Variants in SCTR observed in about 807,000 individuals in gnomAD.
SCTR encodes pancreatic secretin receptor.
A neutral mutation model predicts 60.8 loss-of-function variants in SCTR; 56 were observed. The ratio of observed to expected loss-of-function variants is 0.92; its 90% CI spans 0.74 to 1.15. The LOEUF (loss-of-function observed/expected upper bound fraction) is 1.15, where lower values mean the gene tolerates loss of function less well. Among genes scored for constraint, SCTR ranks in the 50% most tolerant of loss-of-function variants. SCTR has a pLI of 0.00. For missense variants in SCTR, 562 were observed against 550.4 expected, an observed-to-expected ratio of 1.02 and a Z score of -0.21; for synonymous variants, 202 against 217.0, an observed-to-expected ratio of 0.93 and a Z score of 0.61.
intron 9 of SCTR, among the ~76,000 whole-genome samples, chr2:119,449,285 C>G (rs1683054230): frequency 6.6e-6 from 1 of 152,208 alleles, no homozygotes. Flanking sequence ...CCAGGTGATG[C>G]TGAAGCTGCT....
intron 7 of SCTR, among the ~76,000 whole-genome samples, chr2:119,458,509 G>T (rs1442228742): frequency 6.6e-6 from 1 of 151,636 alleles, no homozygotes; most frequent in Non-Finnish European, 1.5e-5. Flanking sequence ...GCTGAGGCAG[G>T]AGAATGGTGT....
chr2:119,501,043 T>C (rs1056286010), intron 1 of SCTR, among the ~76,000 whole-genome samples: 1 of 151,802 alleles, frequency 6.6e-6, no homozygotes, highest in African/African-American at 2.4e-5. Flanking sequence ...TAACAAAAGG[T>C]TGAAAAAGAA....
chr2:119,441,556 A>T lies in SCTR; in HGVS notation c.1182+2T>A. 6.2e-7 allele frequency: 1 copy of T among 1,611,200 alleles called. No homozygotes were observed. The highest frequency in any genetic ancestry group is 8.5e-7 in the Non-Finnish European group (1 of 1,178,486). On this transcript the variant is annotated splice_donor_variant, in intron 12 of 12. Coordinates refer to ENST00000019103, the MANE Select transcript of SCTR (RefSeq NM_002980.3). LOFTEE classifies it high-confidence loss of function. ...GTACCTGGGTGACCCAAGACTACTC[A>T]CCTCCCCATTGAGGAAGCAGTAGAG...
chr2:119,501,254 C>T (rs1316474235), intron 1 of SCTR, among the ~76,000 whole-genome samples: 2 of 151,946 alleles, frequency 1.3e-5, no homozygotes, highest in Non-Finnish European at 2.9e-5. Flanking sequence ...ACTAAAAATA[C>T]AAAAAATTAG....
intron 1 of SCTR, among the ~76,000 whole-genome samples, chr2:119,499,602 A>G (rs1452893233): frequency 1.3e-5 from 2 of 152,090 alleles, no homozygotes; most frequent in Non-Finnish European, 2.9e-5. Context: ...ATGAAGCAAC[A>G]CACTTCTAAA....
intron 3 of SCTR, among the ~76,000 whole-genome samples, chr2:119,477,816 G>T (rs1253307745): frequency 6.6e-6 from 1 of 152,208 alleles, no homozygotes; most frequent in Admixed American, 6.5e-5. Context: ...GTCTGTTACA[G>T]CAGCTAGCAT....
chr2:119,462,646 C>T (rs1447504878), intron 6 of SCTR, among the ~76,000 whole-genome samples: 1 of 152,254 alleles, frequency 6.6e-6, no homozygotes, highest in Non-Finnish European at 1.5e-5. Context: ...CAGGCTTCTA[C>T]ACCAGCACAG....
chr2:119,473,728 G>A (rs73951141), intron 3 of SCTR, among the ~76,000 whole-genome samples, 172 bp from the exon 4 acceptor site: 4,676 of 152,256 alleles, frequency 0.031, 228 homozygotes, highest in African/African-American at 0.11. Context: ...GGGGGAAAGT[G>A]ATTTGAACCC....
intron 2 of SCTR, among the ~76,000 whole-genome samples, chr2:119,493,582 C>T (rs1164677025): frequency 1.3e-5 from 2 of 151,808 alleles, no homozygotes; most frequent in African/African-American, 2.4e-5. Context: ...GTATTTAACA[C>T]ACTTTATCTC....
intron 9 of SCTR, among the ~76,000 whole-genome samples, chr2:119,450,065 AAAG>A (rs1201385561): frequency 6.9e-5 from 10 of 145,412 alleles, no homozygotes; most frequent in Admixed American, 2.0e-4. Flanking sequence ...AAAGAAAAAG[AAAG>A]AAAGAAAGAA....
intron 3 of SCTR, among the ~76,000 whole-genome samples, chr2:119,477,778 G>T (rs1388265909): frequency 6.6e-6 from 1 of 152,198 alleles, no homozygotes; most frequent in Non-Finnish European, 1.5e-5. Context: ...GGACAAATTT[G>T]CATGAAGGCT....
At chr2:119,468,558 G>T (rs921342115) in intron 4 of SCTR, among the ~76,000 whole-genome samples, 1 of 152,216 alleles carries the variant, frequency 6.6e-6, no homozygotes, top group Non-Finnish European at 1.5e-5. Context: ...CAATGCCTTG[G>T]CATGTAGGAA....
intron 1 of SCTR, among the ~76,000 whole-genome samples, chr2:119,502,823 C>CAA (rs776111469): frequency 2.7e-4 from 23 of 83,814 alleles, no homozygotes; most frequent in African/African-American, 4.8e-4. Flanking sequence ...GAGACCTCGT[C>CAA]AAAAAAAAAA....
intron 11 of SCTR, among the ~76,000 whole-genome samples, chr2:119,442,988 T>C (rs1330708772): frequency 6.6e-6 from 1 of 152,100 alleles, no homozygotes; most frequent in African/African-American, 2.4e-5. Flanking sequence ...TGGGAGGATC[T>C]TCACCTCACA....
chr2:119,483,288 G>A (rs2104865396), intron 2 of SCTR, among the ~76,000 whole-genome samples: 1 of 152,340 alleles, frequency 6.6e-6, no homozygotes, highest in South Asian at 2.1e-4. Context: ...TAGGGTCACT[G>A]CCCCACGGCG....
At chr2:119,451,901 C>A in intron 9 of SCTR, 109 bp downstream of exon 9, 1 of 710,700 alleles carries the variant, frequency 1.4e-6, no homozygotes, top group East Asian at 2.7e-5. Flanking sequence ...TGGTTTATCC[C>A]TCCTGGCACC....
chr2:119,493,271 T>C (rs1221068099), intron 2 of SCTR, among the ~76,000 whole-genome samples: 1 of 152,240 alleles, frequency 6.6e-6, no homozygotes, highest in Non-Finnish European at 1.5e-5. Flanking sequence ...TAATATCCCA[T>C]TGGATGGATA....
intron 7 of SCTR, among the ~76,000 whole-genome samples, chr2:119,453,989 C>A (rs1428567821): frequency 6.6e-6 from 1 of 152,170 alleles, no homozygotes; most frequent in African/African-American, 2.4e-5. Context: ...CCTACTTCCC[C>A]TGAAGCCCCT....
At chr2:119,477,437 TTTTG>T (rs72343036) in intron 3 of SCTR, among the ~76,000 whole-genome samples, 31,872 of 151,120 alleles carry the variant, frequency 0.21, 3,368 homozygotes, top group South Asian at 0.29. Context: ...TCTGGACGTT[TTTTG>T]TTTGTTTGTT....
Sources: allele counts gnomAD v4.1 joint callset (sites outside exome capture counted in the v4.1 genomes callset), GRCh38; gene constraint gnomAD v4.1.1; transcripts MANE v1.5; gene names NCBI Gene and HGNC (gene_info 2026-07-23, HGNC 2026-07-21).